The following ZNF385B variants were observed in gnomAD, a reference collection of about 807,000 sequenced individuals.
ZNF385B encodes zinc finger protein 533.
Under a neutral mutation model 39.2 loss-of-function variants are expected in ZNF385B, and 23 were observed. The observed-to-expected ratio is 0.59, with a 90% CI of 0.42 to 0.83. The LOEUF is 0.83. ZNF385B is among the 40% of genes least tolerant of loss of function. ZNF385B has a pLI of 0.00. For synonymous variants in ZNF385B, 205 were observed against 222.6 expected (o/e 0.92, Z 0.70); for missense variants, 552 against 598.9 (o/e 0.92, Z 0.82).
At chr2:179,469,723 G>A (rs1231531952) in intron 6 of ZNF385B, among the ~76,000 whole-genome samples, 3 of 152,254 alleles carry the variant, frequency 2.0e-5, no homozygotes, top group East Asian at 1.9e-4. Flanking sequence ...ATGCTTGACC[G>A]AACTTGGGTT....
At chr2:179,722,465 A>G (rs1700756360) in intron 3 of ZNF385B, among the ~76,000 whole-genome samples, 2 of 152,164 alleles carry the variant, frequency 1.3e-5, no homozygotes, top group African/African-American at 4.8e-5. Flanking sequence ...GGTTTTTGGT[A>G]CAGTGAATAC....
chr2:179,800,158 T>C (rs1271189661), intron 1 of ZNF385B, among the ~76,000 whole-genome samples: 1 of 152,110 alleles, frequency 6.6e-6, no homozygotes, highest in Non-Finnish European at 1.5e-5. Context: ...AGCTTTTATG[T>C]AATCTAAGTT....
chr2:179,475,106 T>G (rs1431340630), intron 6 of ZNF385B, among the ~76,000 whole-genome samples: 1 of 152,166 alleles, frequency 6.6e-6, no homozygotes, highest in Non-Finnish European at 1.5e-5. Flanking sequence ...TACTTAGAAT[T>G]AATTGAAATG....
chr2:179,683,112 C>A (rs749968786), intron 3 of ZNF385B, among the ~76,000 whole-genome samples: 1 of 152,090 alleles, frequency 6.6e-6, no homozygotes, highest in Non-Finnish European at 1.5e-5. Flanking sequence ...CCAGGCCAGG[C>A]GCCGGTGGCT....
intron 3 of ZNF385B, among the ~76,000 whole-genome samples, chr2:179,676,707 C>A (rs16866916): frequency 0.014 from 2,079 of 152,122 alleles, 52 homozygotes; most frequent in African/African-American, 0.048. Flanking sequence ...AAGAAGTGGA[C>A]GGATTAGAGT....
At chr2:179,825,710 C>A (rs1707641338) in intron 1 of ZNF385B, among the ~76,000 whole-genome samples, 1 of 152,130 alleles carries the variant, frequency 6.6e-6, no homozygotes, top group South Asian at 2.1e-4. Flanking sequence ...TGAGAATGGA[C>A]CTTTCTGCCT....
At chr2:179,693,982 T>A (rs1698537456) in intron 3 of ZNF385B, among the ~76,000 whole-genome samples, 2 of 152,216 alleles carry the variant, frequency 1.3e-5, no homozygotes, top group Admixed American at 1.3e-4. Context: ...ATCAAAAGTA[T>A]GTGACCCAAT....
At chr2:179,790,850 A>G (rs1007487915) in intron 1 of ZNF385B, among the ~76,000 whole-genome samples, 2 of 152,210 alleles carry the variant, frequency 1.3e-5, no homozygotes, top group Non-Finnish European at 2.9e-5. Flanking sequence ...CTAAAATTCC[A>G]AAGGTTTACA....
At chr2:179,637,643 T>C (rs2106209607) in intron 3 of ZNF385B, among the ~76,000 whole-genome samples, 1 of 149,842 alleles carries the variant, frequency 6.7e-6, no homozygotes, top group South Asian at 2.1e-4. Flanking sequence ...GCCTGCAGTA[T>C]CCTGATTTTA....
intron 3 of ZNF385B, among the ~76,000 whole-genome samples, chr2:179,573,981 A>G (rs1307468086): frequency 6.6e-6 from 1 of 152,164 alleles, no homozygotes; most frequent in Non-Finnish European, 1.5e-5. Flanking sequence ...TATAATATCT[A>G]TTTCATTTTC....
chr2:179,690,003 G>A (rs1441781796), intron 3 of ZNF385B, among the ~76,000 whole-genome samples: 1 of 152,044 alleles, frequency 6.6e-6, no homozygotes, highest in East Asian at 1.9e-4. Context: ...TTCCAGCATT[G>A]CTAGTCTCTG....
At chr2:179,493,784 C>CATATATGTATAAATATATGTATATGCAT in intron 5 of ZNF385B, among the ~76,000 whole-genome samples, 1 of 88,500 alleles carries the variant, frequency 1.1e-5, no homozygotes, top group Non-Finnish European at 2.4e-5. Flanking sequence ...TGTATATACA[C>CATATATGTATAAATATATGTATATGCAT]ATATGTATAC....
chr2:179,452,483 A>C (rs1189727127), intron 6 of ZNF385B, among the ~76,000 whole-genome samples: 5 of 151,772 alleles, frequency 3.3e-5, no homozygotes, highest in African/African-American at 1.2e-4. Flanking sequence ...TGGAAGAGTC[A>C]TGTCCATACC....
In ZNF385B at chr2:179,680,529, G is replaced by A. The variant is rs190502265; in HGVS notation, c.298+88974C>T. Among the ~76,000 whole-genome samples the A allele has an allele frequency of 2.4e-4, 37 of 152,128 alleles. 2 individuals carry two copies. In the East Asian group the frequency reaches 7.2e-3, roughly 29 times the overall value. The stretch of plus-strand genomic sequence containing the variant: ...AGCATACGGGGACCTTCTGATTGCT[G>A]GTAATGTTCTATTTCTTGACCTGGC... On this transcript the variant is annotated intron_variant, in intron 3 of 9. Coordinates refer to ENST00000410066, the MANE Select transcript of ZNF385B (RefSeq NM_152520.6).
intron 3 of ZNF385B, among the ~76,000 whole-genome samples, chr2:179,690,418 T>C (rs557840380): frequency 6.6e-6 from 1 of 152,308 alleles, no homozygotes; most frequent in East Asian, 1.9e-4. Context: ...AGAACTTGTA[T>C]ATAAGGAAAG....
At chr2:179,736,443 G>A (rs1286457160) in intron 3 of ZNF385B, among the ~76,000 whole-genome samples, 1 of 152,162 alleles carries the variant, frequency 6.6e-6, no homozygotes, top group East Asian at 1.9e-4. Flanking sequence ...ACTATATGGT[G>A]ATTCTTATTA....
At chr2:179,526,036 ATTTT>A (rs3054031) in intron 4 of ZNF385B, among the ~76,000 whole-genome samples, 1 of 129,160 alleles carries the variant, frequency 7.7e-6, no homozygotes, top group Admixed American at 8.2e-5. Flanking sequence ...TTAACCACAG[ATTTT>A]TTTTTTTTTT....
chr2:179,445,505 G>C, intron 8 of ZNF385B, 45 bp downstream of exon 8: 3 of 1,558,950 alleles, frequency 1.9e-6, no homozygotes, highest in Non-Finnish European at 2.6e-6. Flanking sequence ...ACACAGTCAA[G>C]TGGTGACCTA....
Position 179,855,452 on chromosome 2 carries a change from G to A in ZNF385B, c.-155+5649C>T, listed in dbSNP as rs138777045. On this transcript the variant is annotated intron_variant, in intron 1 of 9. Coordinates refer to ENST00000410066, the MANE Select transcript of ZNF385B (RefSeq NM_152520.6). ...GACTAAGTCATTTTTCATAAAGTAG[G>A]TATGAAAGCCTGGTCATCTTTTGTA... is the stretch of plus-strand genomic sequence containing the variant. Among the ~76,000 whole-genome samples the A allele has an allele frequency of 3.3e-5, 5 of 152,234 alleles. No homozygotes were observed. In the East Asian group the frequency reaches 9.6e-4, roughly 29 times the overall value.
Sources: gnomAD v4.1 joint callset for allele counts (sites outside exome capture counted in the v4.1 genomes callset) on GRCh38, gnomAD v4.1.1 for gene constraint, MANE v1.5 for transcripts, NCBI Gene and HGNC (gene_info 2026-07-23, HGNC 2026-07-21) for gene names.